The following PLEKHA5 variants were observed in gnomAD, a reference collection of about 807,000 sequenced individuals.
PLEKHA5 encodes pleckstrin homology domain-containing family A member 5.
In PLEKHA5, 55 loss-of-function variants were observed where a neutral mutation model predicts 181.9. The observed-to-expected ratio is 0.30, with a 90% CI of 0.24 to 0.38. PLEKHA5 has a LOEUF of 0.38. Ranked by LOEUF, PLEKHA5 falls within the 10% of genes least tolerant of loss-of-function variation. The pLI is 1.00. For missense variants in PLEKHA5, 1,432 were observed against 1,549.5 expected, an observed-to-expected ratio of 0.92 and a Z score of 1.27; for synonymous variants, 535 against 529.4, an observed-to-expected ratio of 1.01 and a Z score of -0.15.
intron 3 of PLEKHA5, among the ~76,000 whole-genome samples, chr12:19,178,989 G>T (rs1055424370): frequency 2.0e-5 from 3 of 152,166 alleles, no homozygotes; most frequent in Admixed American, 1.3e-4. Flanking sequence ...AGTGCTTAGG[G>T]TAAAGGAGGA....
intron 3 of PLEKHA5, among the ~76,000 whole-genome samples, chr12:19,142,612 A>G (rs1223163917): frequency 1.3e-5 from 2 of 152,174 alleles, no homozygotes; most frequent in African/African-American, 4.8e-5. Context: ...TTTTTAGTGT[A>G]TAAGTGTAAG....
rs1182983548 is a variant in PLEKHA5 at position 19,365,952 on chromosome 12, T to C, written c.3609-12T>C. The C allele has an allele frequency of 3.2e-6, 5 of 1,572,556 alleles. No individual in the cohort carries two copies. Among genetic ancestry groups the C allele is most frequent in the Non-Finnish European group, 4.3e-6 (5 of 1,166,532 alleles). On this transcript the variant is annotated splice_polypyrimidine_tract_variant and intron_variant, in intron 29 of 31. Coordinates refer to ENST00000429027, the MANE Select transcript of PLEKHA5 (RefSeq NM_001256470.2). The stretch of plus-strand genomic sequence containing the variant: ...AGTGACAAATTTTTAAATACCAATC[T>C]ATTTTCATCAGCCCTCAAGATGAAA...
intron 3 of PLEKHA5, among the ~76,000 whole-genome samples, chr12:19,204,220 A>C (rs1592055555): frequency 6.6e-6 from 1 of 152,208 alleles, no homozygotes; most frequent in East Asian, 1.9e-4. Context: ...GTGACCAGGA[A>C]GGGTTGGGAA....
chr12:19,190,860 A>T (rs1316645976), intron 3 of PLEKHA5, among the ~76,000 whole-genome samples: 1 of 152,234 alleles, frequency 6.6e-6, no homozygotes, highest in Non-Finnish European at 1.5e-5. Context: ...TTTCACAGGA[A>T]TTTAAAAATA....
intron 31 of PLEKHA5, 63 bp from the exon 32 acceptor site, chr12:19,375,468 T>C (rs1371262098): frequency 6.6e-6 from 1 of 152,428 alleles, no homozygotes; most frequent in Non-Finnish European, 1.5e-5. Flanking sequence ...TTAGTTACTT[T>C]GGGAAATGGT....
At chr12:19,346,557 G>A (rs1374636910) in intron 23 of PLEKHA5, among the ~76,000 whole-genome samples, 4 of 152,062 alleles carry the variant, frequency 2.6e-5, no homozygotes, top group Non-Finnish European at 4.4e-5. Flanking sequence ...GATCCCTTGA[G>A]CCCAGGAGTT....
chr12:19,271,806 G>C (rs552529399), intron 10 of PLEKHA5, among the ~76,000 whole-genome samples: 2 of 152,250 alleles, frequency 1.3e-5, no homozygotes, highest in South Asian at 2.1e-4. Context: ...GTCTTTGTTA[G>C]TGTAATCTAC....
intron 26 of PLEKHA5, 141 bp downstream of exon 26, chr12:19,354,143 C>T (rs373254596): frequency 3.5e-3 from 265 of 74,810 alleles, no homozygotes; most frequent in South Asian, 9.2e-3. Flanking sequence ...ATTCTTTATT[C>T]TTTTTTTTTT....
intron 3 of PLEKHA5, among the ~76,000 whole-genome samples, chr12:19,228,583 A>G (rs1220275775): frequency 6.6e-6 from 1 of 152,228 alleles, no homozygotes. Context: ...TATTAGACCC[A>G]TTCTAGAGAT....
chr12:19,290,835 ATCTC>A (rs1188080041), intron 14 of PLEKHA5, 39 bp downstream of exon 14: 1 of 1,496,420 alleles, frequency 6.7e-7, no homozygotes, highest in East Asian at 2.5e-5. Context: ...GTCTGCCATC[ATCTC>A]TTATTTTGAA....
intron 3 of PLEKHA5, among the ~76,000 whole-genome samples, chr12:19,177,273 T>A (rs988327949): frequency 7.9e-5 from 12 of 152,096 alleles, no homozygotes; most frequent in African/African-American, 2.9e-4. Context: ...ATATTGAACA[T>A]AGAGATGTGA....
intron 3 of PLEKHA5, among the ~76,000 whole-genome samples, chr12:19,185,352 C>G (rs927428184): frequency 6.6e-6 from 1 of 152,042 alleles, no homozygotes; most frequent in Non-Finnish European, 1.5e-5. Flanking sequence ...TAAGCTGGAC[C>G]AGTAATACTA....
chr12:19,179,628 C>A (rs1025135791), intron 3 of PLEKHA5, among the ~76,000 whole-genome samples: 1 of 152,104 alleles, frequency 6.6e-6, no homozygotes, highest in Non-Finnish European at 1.5e-5. Context: ...CCGTTGGACT[C>A]CAGCCTGGGC....
At chr12:19,154,728 G>T (rs961196715) in intron 3 of PLEKHA5, 1 of 152,096 alleles carries the variant, frequency 6.6e-6, no homozygotes, top group African/African-American at 2.4e-5. Flanking sequence ...TTAAAAACTG[G>T]AATCTACTAG....
chr12:19,174,968 A>G (rs1347676006), intron 3 of PLEKHA5, among the ~76,000 whole-genome samples: 2 of 152,234 alleles, frequency 1.3e-5, no homozygotes, highest in Admixed American at 6.5e-5. Flanking sequence ...GCATTTTAAC[A>G]TAGTTGATTC....
chr12:19,348,647 G>A, intron 25 of PLEKHA5, 128 bp downstream of exon 25: 1 of 565,236 alleles, frequency 1.8e-6, no homozygotes. Context: ...GAAACCTTTG[G>A]ACTCTGATGA....
intron 20 of PLEKHA5, among the ~76,000 whole-genome samples, chr12:19,332,185 G>T (rs1314726582): frequency 6.6e-6 from 1 of 152,080 alleles, no homozygotes; most frequent in Admixed American, 6.5e-5. Flanking sequence ...GAGGCAGGAG[G>T]ATCGCTTGAG....
intron 31 of PLEKHA5, chr12:19,372,113 G>T (rs1164401224): frequency 1.3e-5 from 2 of 152,222 alleles, no homozygotes; most frequent in Non-Finnish European, 2.9e-5. Context: ...TGATTCTCCT[G>T]CCTCAGCCTC....
At chr12:19,210,800 A>T (rs1005062612) in intron 3 of PLEKHA5, among the ~76,000 whole-genome samples, 3 of 152,194 alleles carry the variant, frequency 2.0e-5, no homozygotes, top group Non-Finnish European at 4.4e-5. Context: ...ATTATAGAGC[A>T]AAGGATGTGA....
Sources: gnomAD v4.1 joint callset for allele counts (sites outside exome capture counted in the v4.1 genomes callset) on GRCh38, gnomAD v4.1.1 for gene constraint, MANE v1.5 for transcripts, NCBI Gene and HGNC (gene_info 2026-07-23, HGNC 2026-07-21) for gene names.